TCEA1: variants seen among roughly 807,000 people sequenced by gnomAD.
The protein encoded by TCEA1 is transcription elongation factor A1.
In TCEA1, 21 loss-of-function variants were observed where a neutral mutation model predicts 43.8. The observed-to-expected ratio is 0.48, with a 90% CI of 0.34 to 0.69. The LOEUF is 0.69. Ranked by LOEUF, TCEA1 falls within the 30% of genes least tolerant of loss-of-function variation. The pLI is 0.01. For synonymous variants in TCEA1, 104 were observed against 117.5 expected, an observed-to-expected ratio of 0.88 and a Z score of 0.75; for missense variants, 250 against 365.1, an observed-to-expected ratio of 0.68 and a Z score of 2.57.
intron 1 of TCEA1, among the ~76,000 whole-genome samples, chr8:54,018,673 C>A (rs1170850027): frequency 6.6e-6 from 1 of 152,192 alleles, no homozygotes; most frequent in Non-Finnish European, 1.5e-5. Flanking sequence ...AAATTTCGAA[C>A]TACTTTCTGT....
chr8:54,015,637 A>T (rs1804796478), intron 1 of TCEA1, among the ~76,000 whole-genome samples: 1 of 152,174 alleles, frequency 6.6e-6, no homozygotes, highest in Non-Finnish European at 1.5e-5. Context: ...TCTTCATCAA[A>T]ATTAGAATAT....
At chr8:54,012,987 T>C (rs1490384871) in intron 1 of TCEA1, among the ~76,000 whole-genome samples, 2 of 144,598 alleles carry the variant, frequency 1.4e-5, no homozygotes, top group African/African-American at 2.6e-5. Flanking sequence ...AAAAAAAAGA[T>C]TGTGGGCCTG....
At chr8:53,986,632 A>G (rs146067374) in intron 6 of TCEA1, among the ~76,000 whole-genome samples, 2,126 of 152,292 alleles carry the variant, frequency 0.014, 19 homozygotes, top group Middle Eastern at 0.051. Flanking sequence ...CTAGGGATTT[A>G]TATGTTTCAG....
intron 1 of TCEA1, among the ~76,000 whole-genome samples, chr8:54,020,926 G>A (rs1380403770): frequency 6.6e-6 from 1 of 152,176 alleles, no homozygotes; most frequent in Non-Finnish European, 1.5e-5. Context: ...GTGGCCTCAC[G>A]CCTGTAATCC....
chr8:54,016,576 C>T (rs1183922238), intron 1 of TCEA1, among the ~76,000 whole-genome samples: 2 of 152,154 alleles, frequency 1.3e-5, no homozygotes. Context: ...CAGTGGCTCA[C>T]ATCTGTAATC....
At chr8:54,012,839 C>T (rs527306943) in intron 1 of TCEA1, among the ~76,000 whole-genome samples, 5 of 151,022 alleles carry the variant, frequency 3.3e-5, no homozygotes, top group South Asian at 2.1e-4. Context: ...GAAGCTGAGG[C>T]GGGAGGACTG....
At chr8:53,972,483 C>A in intron 8 of TCEA1, 1 of 523,174 alleles carries the variant, frequency 1.9e-6, no homozygotes, top group South Asian at 1.5e-5. Context: ...ACCTGCTCCT[C>A]GTGCTGATGA....
At chr8:54,017,239 C>T (rs1586042484) in intron 1 of TCEA1, among the ~76,000 whole-genome samples, 1 of 152,126 alleles carries the variant, frequency 6.6e-6, no homozygotes, top group Non-Finnish European at 1.5e-5. Flanking sequence ...AATAGTTGCA[C>T]AAACCCGTAA....
chr8:53,994,521 A>G (rs1803984855), intron 3 of TCEA1, among the ~76,000 whole-genome samples: 1 of 152,158 alleles, frequency 6.6e-6, no homozygotes, highest in South Asian at 2.1e-4. Context: ...CCTACCCAGT[A>G]CCTTCTCTAT....
chr8:54,001,484 G>GAT (rs1258072098), intron 2 of TCEA1, among the ~76,000 whole-genome samples: 1 of 152,134 alleles, frequency 6.6e-6, no homozygotes, highest in Non-Finnish European at 1.5e-5. Context: ...ACAGCAGAAA[G>GAT]ATAAAGGGAC....
intron 3 of TCEA1, among the ~76,000 whole-genome samples, chr8:53,999,224 CAAAAAAAAAAAAA>C (rs57357613): frequency 1.5e-3 from 99 of 64,526 alleles, no homozygotes; most frequent in African/African-American, 4.7e-3. Flanking sequence ...GACTCAGTCT[CAAAAAAAAAAAAA>C]AAAAAAAAAG....
intron 8 of TCEA1, among the ~76,000 whole-genome samples, chr8:53,974,755 C>T (rs2129299107): frequency 6.6e-6 from 1 of 152,216 alleles, no homozygotes; most frequent in African/African-American, 2.4e-5. Context: ...TTCTCAAGCT[C>T]CTGACCTCAG....
intron 4 of TCEA1, among the ~76,000 whole-genome samples, chr8:53,989,803 G>C (rs570542032): frequency 6.6e-6 from 1 of 152,096 alleles, no homozygotes; most frequent in Admixed American, 6.5e-5. Context: ...TTTTCACAGT[G>C]GTGAAGAGAG....
intron 8 of TCEA1, among the ~76,000 whole-genome samples, chr8:53,977,115 C>T (rs1405176606): frequency 1.3e-5 from 2 of 152,060 alleles, no homozygotes; most frequent in Admixed American, 1.3e-4. Flanking sequence ...GTCAGGAGAT[C>T]GAGACCACCC....
At chr8:54,010,810 T>C (rs569844181) in intron 1 of TCEA1, among the ~76,000 whole-genome samples, 2 of 150,936 alleles carry the variant, frequency 1.3e-5, no homozygotes, top group South Asian at 4.1e-4. Context: ...AGTGTTTTAT[T>C]ATAACTTTTT....
intron 8 of TCEA1, chr8:53,973,284 G>A (rs927946429): frequency 1.2e-5 from 6 of 504,108 alleles, no homozygotes; most frequent in African/African-American, 9.8e-5. Flanking sequence ...TGGGTTCCAG[G>A]TCTTAAAGAA....
intron 7 of TCEA1, among the ~76,000 whole-genome samples, chr8:53,981,298 G>C (rs1426869035): frequency 1.3e-5 from 2 of 152,228 alleles, no homozygotes; most frequent in Admixed American, 1.3e-4. Flanking sequence ...TATTGGAAGA[G>C]GGTGACATCT....
At chr8:54,007,842 T>A (rs545808125) in intron 2 of TCEA1, among the ~76,000 whole-genome samples, 1 of 152,166 alleles carries the variant, frequency 6.6e-6, no homozygotes, top group South Asian at 2.1e-4. Flanking sequence ...TATATTAAGT[T>A]TCCTTTTTAA....
intron 3 of TCEA1, among the ~76,000 whole-genome samples, chr8:53,999,084 T>C (rs1446427083): frequency 2.0e-5 from 3 of 151,440 alleles, no homozygotes; most frequent in East Asian, 1.9e-4. Flanking sequence ...AAAAATTAGC[T>C]GGGCGTGGTG....
Sources: allele counts gnomAD v4.1 joint callset (sites outside exome capture counted in the v4.1 genomes callset), GRCh38; gene constraint gnomAD v4.1.1; transcripts MANE v1.5; gene names NCBI Gene and HGNC (gene_info 2026-07-23, HGNC 2026-07-21).